The following LRRC28 variants were observed in gnomAD, a reference collection of about 807,000 sequenced individuals.
The protein encoded by LRRC28 is leucine-rich repeat-containing protein 28.
A neutral mutation model predicts 45.7 loss-of-function variants in LRRC28; 39 were observed. The observed-to-expected ratio is 0.85, with a 90% confidence interval of 0.66 to 1.12. The LOEUF is 1.12. Ranked by LOEUF, LRRC28 falls within the 50% of genes most tolerant of loss-of-function variation. LRRC28 has a pLI of 0.00. For missense variants in LRRC28, 435 were observed against 438.5 expected, an observed-to-expected ratio of 0.99 and a Z score of 0.07; for synonymous variants, 206 against 178.8, an observed-to-expected ratio of 1.15 and a Z score of -1.22.
chr15:99,342,882 A>G (rs902154634), intron 6 of LRRC28, among the ~76,000 whole-genome samples: 3 of 152,232 alleles, frequency 2.0e-5, no homozygotes, highest in Non-Finnish European at 4.4e-5. Flanking sequence ...AAAGACAGTG[A>G]CTTTGTAAGA....
At position 99,386,914 on chromosome 15, in the gene LRRC28, A is replaced by G. The variant is rs914857689; in HGVS notation, c.*812A>G. On this transcript the variant is annotated 3_prime_UTR_variant, in exon 10 of 10. Coordinates refer to ENST00000301981, the MANE Select transcript of LRRC28 (RefSeq NM_144598.5). ...ATCTGATTTTTTTCTTTCTCAATAT[A>G]AAGTTTCCATACAATGAGAAAGGGG... The G allele has an allele frequency of 2.6e-5, 4 of 152,340 alleles. No homozygotes were observed. The highest frequency in any genetic ancestry group is 4.8e-5 in the African/African-American group (2 of 41,570). The allele number at this position is 152,340 out of a possible 1,614,324, so 9.4% of individuals were successfully genotyped here.
At chr15:99,278,250 T>TA (rs1228002992) in intron 3 of LRRC28, among the ~76,000 whole-genome samples, 33 of 152,024 alleles carry the variant, frequency 2.2e-4, no homozygotes, top group Admixed American at 2.6e-4. Flanking sequence ...CTTTCTTTTT[T>TA]AAAAAAAAAT....
intron 6 of LRRC28, among the ~76,000 whole-genome samples, chr15:99,341,220 A>G (rs1956499642): frequency 6.6e-6 from 1 of 151,170 alleles, no homozygotes; most frequent in African/African-American, 2.4e-5. Flanking sequence ...CCTCCCGAGT[A>G]GCTGGGATTA....
At chr15:99,339,518 G>A (rs1220978504) in intron 6 of LRRC28, among the ~76,000 whole-genome samples, 2 of 152,172 alleles carry the variant, frequency 1.3e-5, no homozygotes, top group Admixed American at 1.3e-4. Flanking sequence ...ATCACTTGAG[G>A]TCAGGAGTTC....
chr15:99,362,599 C>G (rs1045865428), intron 8 of LRRC28, among the ~76,000 whole-genome samples: 7 of 151,684 alleles, frequency 4.6e-5, no homozygotes, highest in Non-Finnish European at 1.0e-4. Context: ...GTAAGTCAAG[C>G]AAACGCTTGG....
At position 99,287,280 on chromosome 15, in the gene LRRC28, T is replaced by C. The variant is rs142723049; in HGVS notation, c.233T>C (p.Val78Ala). The change falls in exon 4 of 10, where the codon GTT (valine) becomes GCT (alanine). Residue 78 changes from valine to alanine, a missense_variant. By Grantham distance (64) the Val-to-Ala change is moderately conservative. Transcript: ENST00000301981. The stretch of plus-strand genomic sequence containing the variant: ...AGATACCTGCACTCAAATAACATAG[T>C]TGTGGTTCCGGAAGGTATGTTTAAC... The part of the protein sequence containing the change: ...VELYLHSNNI[V>A]VVPEAIGSLV... 2.9e-5 allele frequency: 45 copies of C among 1,571,430 alleles called. No individual in the cohort carries two copies. The Admixed American group carries it at 5.0e-4, about 18-fold the overall frequency.
At chr15:99,314,527 A>T (rs1955527188) in intron 5 of LRRC28, among the ~76,000 whole-genome samples, 1 of 152,154 alleles carries the variant, frequency 6.6e-6, no homozygotes, top group Non-Finnish European at 1.5e-5. Flanking sequence ...TTTGTCATGA[A>T]TTTGTAACAA....
chr15:99,281,552 C>T (rs1308898054), intron 3 of LRRC28, among the ~76,000 whole-genome samples: 1 of 152,166 alleles, frequency 6.6e-6, no homozygotes, highest in African/African-American at 2.4e-5. Context: ...CTAATTCTGT[C>T]ATCTGTGTCA....
At chr15:99,300,239 A>G (rs1027161262) in intron 5 of LRRC28, among the ~76,000 whole-genome samples, 3 of 152,044 alleles carry the variant, frequency 2.0e-5, no homozygotes, top group Admixed American at 6.6e-5. Flanking sequence ...CATAGTCATT[A>G]TAAGATGTTG....
chr15:99,363,348 A>T (rs1284824850), intron 9 of LRRC28, 83 bp downstream of exon 9: 2 of 1,476,090 alleles, frequency 1.4e-6, no homozygotes, highest in Non-Finnish European at 1.8e-6. Flanking sequence ...GCATGAAAGC[A>T]TTAAGTCAGC....
chr15:99,379,846 G>C (rs1409002273), intron 9 of LRRC28, among the ~76,000 whole-genome samples: 12 of 152,110 alleles, frequency 7.9e-5, no homozygotes, highest in Non-Finnish European at 1.5e-4. Context: ...TGTAGTTGAG[G>C]AGTTTTGAGT....
intron 5 of LRRC28, among the ~76,000 whole-genome samples, chr15:99,323,149 T>C (rs1232205635): frequency 6.6e-6 from 1 of 152,214 alleles, no homozygotes; most frequent in Non-Finnish European, 1.5e-5. Context: ...AGTTTATTTG[T>C]ATTATTAAGC....
chr15:99,320,983 C>A (rs533015384), intron 5 of LRRC28, among the ~76,000 whole-genome samples: 1 of 152,134 alleles, frequency 6.6e-6, no homozygotes, highest in Non-Finnish European at 1.5e-5. Context: ...ATCATTCTTA[C>A]AAGAATGCCT....
At chr15:99,302,329 G>A (rs1033098932) in intron 5 of LRRC28, among the ~76,000 whole-genome samples, 2 of 151,790 alleles carry the variant, frequency 1.3e-5, no homozygotes, top group Admixed American at 6.6e-5. Flanking sequence ...ACCTGGCCAA[G>A]TTAATAATTT....
At chr15:99,267,978 A>G (rs140704117) in intron 2 of LRRC28, among the ~76,000 whole-genome samples, 1 of 152,306 alleles carries the variant, frequency 6.6e-6, no homozygotes, top group African/African-American at 2.4e-5. Flanking sequence ...TTTATAATTT[A>G]GACAATTTTT....
At chr15:99,314,924 C>A (rs1382280410) in intron 5 of LRRC28, among the ~76,000 whole-genome samples, 1 of 152,084 alleles carries the variant, frequency 6.6e-6, no homozygotes, top group African/African-American at 2.4e-5. Context: ...TAGCTAAAGA[C>A]AAATGTAAAT....
At position 99,334,142 on chromosome 15, in the gene LRRC28, GT is replaced by G; in HGVS notation, c.592+16del. The stretch of plus-strand genomic sequence containing the variant: ...TTTTTGCCACTTGGTAAGTGATTGT[GT>G]TTAAAGTAAAGCAGCCAAAGAATAA... On this transcript the variant is annotated intron_variant, in intron 6 of 9. Coordinates refer to ENST00000301981, the MANE Select transcript of LRRC28 (RefSeq NM_144598.5). 7 of 1,613,896 alleles carry G rather than the reference GT, an allele frequency of 4.3e-6. No individual in the cohort carries two copies. The highest frequency in any genetic ancestry group is 5.9e-6 in the Non-Finnish European group (7 of 1,179,804).
chr15:99,366,555 G>A (rs753614673), intron 9 of LRRC28, among the ~76,000 whole-genome samples: 16 of 152,232 alleles, frequency 1.1e-4, no homozygotes, highest in African/African-American at 2.2e-4. Context: ...GCATGGTTGC[G>A]TTCTGGTGAG....
At chr15:99,253,086 G>T (rs1212268912) in intron 1 of LRRC28, among the ~76,000 whole-genome samples, 3 of 151,388 alleles carry the variant, frequency 2.0e-5, no homozygotes, top group African/African-American at 7.3e-5. Flanking sequence ...AAGTTCCTCT[G>T]AAAGAACACC....
Sources: allele counts gnomAD v4.1 joint callset (sites outside exome capture counted in the v4.1 genomes callset), GRCh38; gene constraint gnomAD v4.1.1; transcripts MANE v1.5; gene names NCBI Gene and HGNC (gene_info 2026-07-23, HGNC 2026-07-21).